Variants in NCR2 observed in about 807,000 individuals in gnomAD.
NCR2 encodes the protein NK cell activating receptor (NKp44).
In NCR2, 35 loss-of-function variants were observed where a neutral mutation model predicts 30.7. The ratio of observed to expected loss-of-function variants is 1.14; its 90% confidence interval spans 0.87 to 1.51. The LOEUF (loss-of-function observed/expected upper bound fraction) is 1.51, where lower values mean the gene tolerates loss of function less well. NCR2 is among the 40% of genes most tolerant of loss of function. The pLI, the probability that NCR2 is intolerant of heterozygous loss-of-function variation, is 0.00. For missense variants in NCR2, 316 were observed against 328.9 expected (o/e 0.96, Z 0.30); for synonymous variants, 146 against 134.8 (o/e 1.08, Z -0.58).
At chr6:41,345,544 C>G (rs1325080133) in intron 4 of NCR2, among the ~76,000 whole-genome samples, 2 of 152,124 alleles carry the variant, frequency 1.3e-5, no homozygotes, top group Non-Finnish European at 2.9e-5. Context: ...AGGGCAGGAG[C>G]AAGTGAGATC....
rs369427476 is a variant in NCR2 at position 41,341,968 on chromosome 6, G to A, written c.530+39G>A. ...TGCCCGTAGCCACACAGGCCTGGGC[G>A]GGGGCTGGCAGATGGAGACTTGCCT... On this transcript the variant is annotated intron_variant, in intron 3 of 4. Transcript: ENST00000373089. 3.4e-4 allele frequency: 550 copies of A among 1,611,274 alleles called. 9 individuals carry two copies. In the South Asian group the frequency reaches 3.9e-3, roughly 11 times the overall value.
At chr6:41,342,284 C>T in intron 4 of NCR2, 135 bp downstream of exon 4, 1 of 1,209,320 alleles carries the variant, frequency 8.3e-7, no homozygotes, top group Non-Finnish European at 1.1e-6. Context: ...AATTAAAGCC[C>T]TCATGGAGTC....
chr6:41,338,449 A>T (rs533128125), intron 2 of NCR2, among the ~76,000 whole-genome samples: 5 of 152,336 alleles, frequency 3.3e-5, no homozygotes, highest in African/African-American at 1.2e-4. Flanking sequence ...TTAATTTAAA[A>T]TCTAGCCCAA....
chr6:41,342,812 A>G, intron 4 of NCR2: 1 of 918,614 alleles, frequency 1.1e-6, no homozygotes, highest in Non-Finnish European at 1.7e-6. Context: ...GGGACAACTC[A>G]GTCAGGCCAG....
At chr6:41,345,275 AC>A (rs1365305458) in intron 4 of NCR2, among the ~76,000 whole-genome samples, 1 of 151,588 alleles carries the variant, frequency 6.6e-6, no homozygotes, top group African/African-American at 2.4e-5. Context: ...AGATACCTGC[AC>A]CTCCCATTTC....
At position 41,336,168 on chromosome 6, in the gene NCR2, C is replaced by G; in HGVS notation, c.134C>G (p.Thr45Arg). The G allele has an allele frequency of 6.2e-7, 1 of 1,614,166 alleles. No individual in the cohort carries two copies. Among genetic ancestry groups the G allele is most frequent in the Non-Finnish European group, 8.5e-7 (1 of 1,180,032 alleles). ...TLTVRCQYPP[T>R]GSLYEKKGWC... ...ACCGTGAGATGCCAGTACCCGCCCACGGGCAGTCTCTACGAGAAGAAAGGC... is the reference window on the plus strand; with the variant it reads ...ACCGTGAGATGCCAGTACCCGCCCAGGGGCAGTCTCTACGAGAAGAAAGGC... The change falls in exon 2 of 5, where the codon ACG (threonine) becomes AGG (arginine). Residue 45 changes from threonine (T) to arginine (R), a missense_variant. Thr to Arg is a moderately conservative substitution (Grantham distance 71). Transcript: ENST00000373089.
Position 41,336,255 on chromosome 6 carries a change from C to A in NCR2, c.221C>A (p.Thr74Lys). The change falls in exon 2 of 5, where the codon ACG becomes AAG. Residue 74 changes from threonine (T) to lysine (K), a missense_variant. Coordinates refer to ENST00000373089, the MANE Select transcript of NCR2 (RefSeq NM_004828.4). ...IRLVTSSKPRTMAWTSRFTIW... is the reference protein window; with the variant it reads ...IRLVTSSKPRKMAWTSRFTIW... ...TTAGTCACCAGCTCCAAGCCCAGGA[C>A]GATGGCTTGGACCTCTCGATTCACA... 1 of 1,614,184 alleles carries A rather than the reference C, an allele frequency of 6.2e-7. No homozygotes were observed. The highest frequency in any genetic ancestry group is 8.5e-7 in the Non-Finnish European group (1 of 1,180,036).
rs143166753 is a variant in NCR2, at chr6:41,344,838, G to C, written c.644+2689G>C. ...TGCTTAGAAGCCCCATGCGGGCCGCGGGGTGCTGTGGGCTCCAGGCGGATT... is the reference window on the plus strand; with the variant it reads ...TGCTTAGAAGCCCCATGCGGGCCGCCGGGTGCTGTGGGCTCCAGGCGGATT... On this transcript the variant is annotated intron_variant, in intron 4 of 4. Transcript: ENST00000373089. Among the ~76,000 whole-genome samples the C allele has an allele frequency of 9.9e-3, 1,501 of 152,328 alleles. 35 individuals carry two copies. The highest frequency in any genetic ancestry group is 0.054 in the Admixed American group (832 of 15,310).
Position 41,350,797 on chromosome 6 carries a change from G to A in NCR2, c.764G>A (p.Arg255Lys), listed in dbSNP as rs753979828. 6 of 1,322,916 alleles carry A rather than the reference G, an allele frequency of 4.5e-6. No individual in the cohort carries two copies. The highest frequency in any genetic ancestry group is 2.3e-5 in the East Asian group (1 of 43,502). 81.9% of individuals were successfully genotyped at this position (1,322,916 alleles called of 1,614,324 possible). A position where few individuals can be genotyped will look rare whatever the true frequency, so the allele number is the denominator to read the frequency against. ...ACCTCAGTTTCCTCACCTGTAGAGA[G>A]AGAAATATTATATCACACTGTTGCA... is the stretch of plus-strand genomic sequence containing the variant. ...PWTSVSSPVE[R>K]EILYHTVART... The change falls in exon 5 of 5, where the codon AGA (arginine) becomes AAA (lysine). Residue 255 changes from arginine to lysine, a missense_variant. Coordinates refer to ENST00000373089, the MANE Select transcript of NCR2 (RefSeq NM_004828.4).
intron 4 of NCR2, among the ~76,000 whole-genome samples, chr6:41,346,602 G>C (rs1185267677): frequency 6.6e-6 from 1 of 152,148 alleles, no homozygotes; most frequent in Non-Finnish European, 1.5e-5. Flanking sequence ...CTAGCTTCCT[G>C]CTTACTCTGT....
Position 41,341,865 on chromosome 6 carries a change from GT to G in NCR2, c.467del (p.Val156GlyfsTer47). The G allele has an allele frequency of 6.2e-7, 1 of 1,613,826 alleles. No individual in the cohort carries two copies. Among genetic ancestry groups the G allele is most frequent in the Non-Finnish European group, 8.5e-7 (1 of 1,179,986 alleles). On this transcript the variant is annotated frameshift_variant, in exon 3 of 5. Coordinates refer to ENST00000373089, the MANE Select transcript of NCR2 (RefSeq NM_004828.4). LOFTEE classifies it high-confidence loss of function. ...TTCACAGACCCAGACCCAGAGCTGT[GT>G]GCCTCCCACTGCAGGAGCCAGACAA... ...VSSQTQTQSC[V>X]PPTAGARQAP...
At position 41,342,085 on chromosome 6, in the gene NCR2, G is replaced by A; in HGVS notation, c.580G>A (p.Val194Met). The A allele has an allele frequency of 6.2e-7, 1 of 1,613,810 alleles. No individual in the cohort carries two copies. The highest frequency in any genetic ancestry group is 8.5e-7 in the Non-Finnish European group (1 of 1,180,014). Residue 194 changes from valine (V) to methionine (M), a missense_variant, in exon 4 of 5, where the codon GTG (valine) becomes ATG (methionine). By Grantham distance (21) the Val-to-Met change is conservative. Transcript: ENST00000373089. The part of the protein sequence containing the change: ...RPGPAAPIAL[V>M]PVFCGLLVAK... ...TGGCCCTGCAGCCCCCATTGCCCTGGTGCCTGTGTTCTGTGGACTCCTCGT... is the reference window on the plus strand; with the variant it reads ...TGGCCCTGCAGCCCCCATTGCCCTGATGCCTGTGTTCTGTGGACTCCTCGT...
intron 4 of NCR2, among the ~76,000 whole-genome samples, chr6:41,346,771 G>A (rs974954209): frequency 6.7e-6 from 1 of 149,726 alleles, no homozygotes; most frequent in Non-Finnish European, 1.5e-5. Context: ...TGCTCAGCTG[G>A]TGTGCCCACA....
intron 4 of NCR2, among the ~76,000 whole-genome samples, chr6:41,345,016 C>T (rs1769267860): frequency 6.6e-6 from 1 of 151,968 alleles, no homozygotes; most frequent in Admixed American, 6.6e-5. Context: ...ATGTCTGTTC[C>T]CACCCAGGCC....
chr6:41,345,378 T>C (rs1769277072), intron 4 of NCR2, among the ~76,000 whole-genome samples: 1 of 152,200 alleles, frequency 6.6e-6, no homozygotes, highest in Admixed American at 6.5e-5. Context: ...CATCTGATTT[T>C]ACCCACCTTC....
At chr6:41,341,703 G>A in intron 2 of NCR2, 91 bp from the exon 3 acceptor site, 1 of 1,475,912 alleles carries the variant, frequency 6.8e-7, no homozygotes, top group Non-Finnish European at 9.1e-7. Context: ...TCTGTTCCCA[G>A]TCTGGTCCAA....
rs1273532641 is a variant in NCR2, at chr6:41,341,858, G to A, written c.459G>A (p.Gln153=). 1.2e-6 allele frequency: 2 copies of A among 1,613,696 alleles called. No individual in the cohort carries two copies. Among genetic ancestry groups the A allele is most frequent in the Non-Finnish European group, 1.7e-6 (2 of 1,179,998 alleles). The change falls in exon 3 of 5, where the codon CAG becomes CAA. Residue 153 remains glutamine, a synonymous_variant. Transcript: ENST00000373089. Reference sequence around the variant, plus strand: ...TGGTCTCTTCACAGACCCAGACCCAGAGCTGTGTGCCTCCCACTGCAGGAG... The same window carrying A: ...TGGTCTCTTCACAGACCCAGACCCAAAGCTGTGTGCCTCCCACTGCAGGAG... ...RDLVSSQTQT[Q]SCVPPTAGAR...
chr6:41,346,273 C>T (rs556506363), intron 4 of NCR2, among the ~76,000 whole-genome samples: 1 of 152,160 alleles, frequency 6.6e-6, no homozygotes, highest in Non-Finnish European at 1.5e-5. Context: ...GGCCTCCTAT[C>T]CCCAGTGGTC....
intron 4 of NCR2, among the ~76,000 whole-genome samples, chr6:41,347,731 T>G (rs996581060): frequency 1.3e-5 from 2 of 152,198 alleles, no homozygotes; most frequent in South Asian, 2.1e-4. Flanking sequence ...ACAGGTTTTT[T>G]GGGGGGATGG....
Sources: allele counts gnomAD v4.1 joint callset (sites outside exome capture counted in the v4.1 genomes callset), GRCh38; gene constraint gnomAD v4.1.1; transcripts MANE v1.5; gene names NCBI Gene and HGNC (gene_info 2026-07-23, HGNC 2026-07-21).